The following PAH variants were observed in gnomAD, a reference collection of about 807,000 sequenced individuals.
PAH encodes the protein phenylalanine-4-hydroxylase.
A neutral mutation model predicts 62.0 loss-of-function variants in PAH; 64 were observed. That is an observed-to-expected ratio of 1.03 (90% CI 0.84 to 1.27). The LOEUF (loss-of-function observed/expected upper bound fraction) is 1.27, where lower values mean the gene tolerates loss of function less well. Among genes scored for constraint, PAH ranks in the 50% most tolerant of loss-of-function variants. PAH has a pLI of 0.00. For synonymous variants in PAH, 195 were observed against 196.2 expected, an observed-to-expected ratio of 0.99 and a Z score of 0.05; for missense variants, 579 against 542.8, an observed-to-expected ratio of 1.07 and a Z score of -0.66.
At chr12:102,936,307 T>G (rs975713068) in intron 1 of PAH, among the ~76,000 whole-genome samples, 1 of 152,206 alleles carries the variant, frequency 6.6e-6, no homozygotes, top group Non-Finnish European at 1.5e-5. Context: ...TAAAATATGG[T>G]CTATTCTTGA....
chr12:102,899,038 A>G lies in PAH; in HGVS notation c.169-4120T>C, dbSNP rs542576827. ...GAATAGTGAGGAGGTAATGCCAGAG[A>G]GATATAGATAGATCTGAAGCTTTCT... On this transcript the variant is annotated intron_variant, in intron 2 of 12. Transcript: ENST00000553106. Among the ~76,000 whole-genome samples the G allele has an allele frequency of 1.1e-3, 162 of 152,312 alleles. 2 individuals carry two copies. The highest frequency in any genetic ancestry group is 1.0e-3 in the Admixed American group (16 of 15,304).
intron 1 of PAH, among the ~76,000 whole-genome samples, chr12:102,916,383 G>A (rs1245674162): frequency 1.3e-5 from 2 of 152,172 alleles, no homozygotes; most frequent in East Asian, 3.9e-4. Flanking sequence ...TAAATATGTA[G>A]GTCACATTAA....
At chr12:102,944,018 C>T (rs1480890345) in intron 1 of PAH, among the ~76,000 whole-genome samples, 1 of 152,124 alleles carries the variant, frequency 6.6e-6, no homozygotes, top group Admixed American at 6.5e-5. Flanking sequence ...TAGGTATAGT[C>T]CCTGAACCTA....
intron 3 of PAH, among the ~76,000 whole-genome samples, chr12:102,891,294 C>T (rs990555431): frequency 2.0e-5 from 3 of 152,014 alleles, no homozygotes; most frequent in African/African-American, 2.4e-5. Context: ...GCACTGTGCC[C>T]GGCACAGAGC....
chr12:102,871,937 AAAAAAAAAAAAAATAT>A lies in PAH; in HGVS notation c.442-5290_442-5275del, dbSNP rs1442096025. On this transcript the variant is annotated intron_variant, in intron 4 of 12. Transcript: ENST00000553106. ...AACTCTGCCTCAAAAAAAAAAAAAAAAAAAAAAAAAAAATATATATATATATATATATATATATATA... is the reference window on the plus strand; with the variant it reads ...AACTCTGCCTCAAAAAAAAAAAAAAAATATATATATATATATATATATATA... 9.0e-5 allele frequency among the ~76,000 whole-genome samples: 8 copies of A among 89,290 alleles called. No individual in the cohort carries two copies. In the South Asian group the frequency reaches 1.8e-3, roughly 20 times the overall value. 58.6% of individuals were successfully genotyped at this position (89,290 alleles called of 152,430 possible). A position where few individuals can be genotyped will look rare whatever the true frequency, so the allele number is the denominator to read the frequency against.
chr12:102,906,068 A>T (rs1211508125), intron 2 of PAH, among the ~76,000 whole-genome samples: 1 of 152,218 alleles, frequency 6.6e-6, no homozygotes, highest in East Asian at 1.9e-4. Context: ...ATGTGTAGAC[A>T]AATCACAATT....
intron 1 of PAH, among the ~76,000 whole-genome samples, chr12:102,936,990 G>A (rs192639241): frequency 1.7e-4 from 26 of 152,278 alleles, no homozygotes; most frequent in African/African-American, 4.6e-4. Flanking sequence ...AGCTGTTCTC[G>A]TGATAGAGTG....
rs565172207 is a variant in PAH, at chr12:102,889,801, C to T, written c.352+4934G>A. ...TGTCTGCTTCTCCTGGCTGCAATCT[C>T]TCTCCACGTAGGAATTTTCTAGCCC... On this transcript the variant is annotated intron_variant, in intron 3 of 12. Coordinates refer to ENST00000553106, the MANE Select transcript of PAH (RefSeq NM_000277.3). Among the ~76,000 whole-genome samples, 40 of 152,338 alleles carry T rather than the reference C, an allele frequency of 2.6e-4. 2 individuals carry two copies. The South Asian group carries it at 7.9e-3, about 30-fold the overall frequency.
Position 102,957,343 on chromosome 12 carries a change from C to A in PAH, c.-96+852G>T, listed in dbSNP as rs980803794. The stretch of plus-strand genomic sequence containing the variant: ...GTCCCTCCTGTGACGCCCCCCACCC[C>A]CTTCCTAAAGCCACCCCCGGCAGCA... On this transcript the variant is annotated intron_variant, in intron 1 of 4. Coordinates refer to the PAH transcript ENST00000551337. The surrounding 1 kb of genome is among the most constrained non-coding windows in gnomAD (Gnocchi z 4.1). Among the ~76,000 whole-genome samples, 10 of 152,162 alleles carry A rather than the reference C, an allele frequency of 6.6e-5. No individual in the cohort carries two copies. The highest frequency in any genetic ancestry group is 1.3e-4 in the Non-Finnish European group (9 of 68,024).
intron 3 of PAH, among the ~76,000 whole-genome samples, chr12:102,880,076 G>A (rs1233473060): frequency 6.6e-6 from 1 of 152,172 alleles, no homozygotes; most frequent in Non-Finnish European, 1.5e-5. Flanking sequence ...GAGGAACAAT[G>A]AGGGCAAGTC....
chr12:102,945,545 C>A (rs771836421), intron 1 of PAH, among the ~76,000 whole-genome samples: 1 of 152,170 alleles, frequency 6.6e-6, no homozygotes, highest in African/African-American at 2.4e-5. Context: ...CCTCCCCTTT[C>A]CACAAACAGA....
At chr12:102,897,321 A>G (rs1163516653) in intron 2 of PAH, among the ~76,000 whole-genome samples, 1 of 151,876 alleles carries the variant, frequency 6.6e-6, no homozygotes, top group Non-Finnish European at 1.5e-5. Context: ...ATGACACTAA[A>G]CATTTTTCCT....
upstream of PAH, among the ~76,000 whole-genome samples, chr12:102,955,139 G>C (rs1045064252): frequency 6.6e-6 from 1 of 152,152 alleles, no homozygotes; most frequent in Non-Finnish European, 1.5e-5. Flanking sequence ...ACAAGACAAG[G>C]CTTCTTCACT....
intron 1 of PAH, among the ~76,000 whole-genome samples, chr12:102,942,718 A>T (rs1879339554): frequency 6.6e-6 from 1 of 152,198 alleles, no homozygotes; most frequent in African/African-American, 2.4e-5. Flanking sequence ...AAAAACAGAC[A>T]CATAGACCAA....
At chr12:102,840,670 G>A (rs1874556796) in intron 11 of PAH, among the ~76,000 whole-genome samples, 155 bp from the exon 12 acceptor site, 1 of 152,136 alleles carries the variant, frequency 6.6e-6, no homozygotes, top group African/African-American at 2.4e-5. Flanking sequence ...GGGGAATGGA[G>A]TTTTAATGAG....
chr12:102,854,434 C>T (rs890568434), intron 6 of PAH, among the ~76,000 whole-genome samples: 1 of 152,212 alleles, frequency 6.6e-6, no homozygotes, highest in African/African-American at 2.4e-5. Flanking sequence ...GAAAGAGTAA[C>T]ACCCATTTCA....
chr12:102,853,391 G>A, intron 6 of PAH: 1 of 288,170 alleles, frequency 3.5e-6, no homozygotes, highest in African/African-American at 2.2e-5. Context: ...AGTGCTTCCA[G>A]CTTCTGTACT....
At chr12:102,877,603 A>G in intron 3 of PAH, 53 bp from the exon 4 acceptor site, 1 of 1,363,192 alleles carries the variant, frequency 7.3e-7, no homozygotes. Flanking sequence ...AACATGGCCA[A>G]AGGCCTTGCT....
intron 3 of PAH, among the ~76,000 whole-genome samples, chr12:102,894,425 A>G (rs1877407593): frequency 1.2e-5 from 1 of 82,340 alleles, no homozygotes; most frequent in East Asian, 8.3e-4. Context: ...AAAAGCTTAT[A>G]AAGTAAAAAA....
Sources: allele counts gnomAD v4.1 joint callset (sites outside exome capture counted in the v4.1 genomes callset), GRCh38; gene constraint gnomAD v4.1.1; non-coding constraint Gnocchi (gnomAD v3.1); transcripts MANE v1.5; gene names NCBI Gene and HGNC (gene_info 2026-07-23, HGNC 2026-07-21).